The following PARP1 variants were observed in gnomAD, a reference collection of about 807,000 sequenced individuals.
PARP1 encodes poly(ADP-ribose) polymerase 1, also known as poly [ADP-ribose] polymerase 1.
PARP1 carries 44 observed loss-of-function variants against 118.7 expected under a neutral mutation model. The ratio of observed to expected loss-of-function variants is 0.37; its 90% CI spans 0.29 to 0.48. The LOEUF (loss-of-function observed/expected upper bound fraction) is 0.48. Ranked by LOEUF, PARP1 falls within the 20% of genes least tolerant of loss-of-function variation. The pLI is 0.99. For synonymous variants in PARP1, 492 were observed against 483.2 expected, an observed-to-expected ratio of 1.02 and a Z score of -0.24; for missense variants, 1,100 against 1,272.4, an observed-to-expected ratio of 0.86 and a Z score of 2.06.
intron 2 of PARP1, among the ~76,000 whole-genome samples, chr1:226,393,199 A>G (rs956256254): frequency 1.3e-5 from 2 of 152,244 alleles, no homozygotes; most frequent in Non-Finnish European, 2.9e-5. Context: ...AGCAATAAAC[A>G]TACTGGAAAA....
chr1:226,396,442 T>C (rs942553583), intron 2 of PARP1, among the ~76,000 whole-genome samples: 1 of 145,654 alleles, frequency 6.9e-6, no homozygotes, highest in African/African-American at 2.6e-5. Flanking sequence ...GTAAGAAAAG[T>C]GATACTTAGA....
intron 15 of PARP1, 53 bp downstream of exon 15, chr1:226,370,381 C>A (rs952928556): frequency 7.5e-6 from 10 of 1,341,054 alleles, no homozygotes; most frequent in South Asian, 5.8e-5. Context: ...GGTCTCACCC[C>A]CTAAGTCGGC....
At chr1:226,405,122 G>A (rs2102748705) in intron 1 of PARP1, among the ~76,000 whole-genome samples, 1 of 152,220 alleles carries the variant, frequency 6.6e-6, no homozygotes, top group Middle Eastern at 3.4e-3. Flanking sequence ...AAGTGAAAAG[G>A]CTTCTTTCTT....
chr1:226,407,741 CAG>C, intron 1 of PARP1, 67 bp downstream of exon 1: 4 of 1,516,912 alleles, frequency 2.6e-6, no homozygotes, highest in Non-Finnish European at 3.5e-6. Flanking sequence ...CGCCCTCCCC[CAG>C]CCTTCCCGGA....
intron 5 of PARP1, among the ~76,000 whole-genome samples, chr1:226,387,409 A>G (rs567283401): frequency 8.5e-5 from 13 of 152,356 alleles, no homozygotes; most frequent in African/African-American, 2.9e-4. Flanking sequence ...ATCTCTGCTC[A>G]GATTCCACCT....
Position 226,367,623 on chromosome 1 carries a change from G to C in PARP1, c.2278-15C>G. 6.2e-7 allele frequency: 1 copy of C among 1,613,842 alleles called. No individual in the cohort carries two copies. ...TCCACCTTGGCCTGGAGGAGCAAAA[G>C]AAAGCCCCCGACTTAGGTATCATGG... On this transcript the variant is annotated splice_polypyrimidine_tract_variant and intron_variant, in intron 16 of 22. Transcript: ENST00000366794.
At chr1:226,367,739 GC>G in intron 16 of PARP1, 131 bp from the exon 17 acceptor site, 1 of 1,021,754 alleles carries the variant, frequency 9.8e-7, no homozygotes, top group Non-Finnish European at 1.5e-6. Context: ...GCTGGTCAGG[GC>G]CAGCCTGTTA....
At chr1:226,367,935 G>C (rs1664304609) in intron 16 of PARP1, among the ~76,000 whole-genome samples, 1 of 152,198 alleles carries the variant, frequency 6.6e-6, no homozygotes, top group African/African-American at 2.4e-5. Flanking sequence ...GGCAGGGAGG[G>C]AAAATGGGGA....
intron 2 of PARP1, among the ~76,000 whole-genome samples, chr1:226,395,506 G>A (rs1236846284): frequency 6.6e-6 from 1 of 152,130 alleles, no homozygotes; most frequent in African/African-American, 2.4e-5. Context: ...TTAGGTGGAT[G>A]TGGTGGTGCA....
At chr1:226,366,607 G>C (rs1368201225) in intron 17 of PARP1, 30 of 155,350 alleles carry the variant, frequency 1.9e-4, no homozygotes, top group Admixed American at 1.9e-3. Context: ...CTAGAATGCT[G>C]GTCTACCTCC....
Position 226,392,188 on chromosome 1 carries a change from C to CA in PARP1, c.402+10dup, listed in dbSNP as rs1664833284. The CA allele has an allele frequency of 6.4e-7, 1 of 1,561,450 alleles. No homozygotes were observed. Among genetic ancestry groups the CA allele is most frequent in the Admixed American group, 1.7e-5 (1 of 59,972 alleles). On this transcript the variant is annotated intron_variant, in intron 3 of 22. Coordinates refer to ENST00000366794, the MANE Select transcript of PARP1 (RefSeq NM_001618.4). ...CATAAAGTTCAGGGATCTGGGCCCCCAAGATCTTACCTTTTCTATCTTCTC... is the reference window on the plus strand; with the variant it reads ...CATAAAGTTCAGGGATCTGGGCCCCCAAAGATCTTACCTTTTCTATCTTCTC...
At chr1:226,376,205 C>A (rs192663184) in intron 13 of PARP1, among the ~76,000 whole-genome samples, 9 of 152,196 alleles carry the variant, frequency 5.9e-5, no homozygotes, top group Admixed American at 3.3e-4. Flanking sequence ...CTCTACCCAC[C>A]TACAGATCTT....
Position 226,379,945 on chromosome 1 carries a change from C to T in PARP1, c.1520G>A (p.Ser507Asn), listed in dbSNP as rs775273327. 3 of 1,614,018 alleles carry T rather than the reference C, an allele frequency of 1.9e-6. No homozygotes were observed. Among genetic ancestry groups the T allele is most frequent in the South Asian group, 1.1e-5 (1 of 91,076 alleles). Reference protein sequence around the residue: ...GKSGAALSKKSKGQVKEEGIN... With the variant: ...GKSGAALSKKNKGQVKEEGIN... ...ACCTTCCTCCTTGACCTGGCCCTTG[C>T]TTTTTTTGGAGAGCGCAGCCCCTGA... The change falls in exon 10 of 23, where the codon AGC (serine) becomes AAC (asparagine). Residue 507 changes from serine to asparagine, a missense_variant. By Grantham distance (46) the Ser-to-Asn change is conservative (BLOSUM62 1). Transcript: ENST00000366794.
In PARP1 at chr1:226,361,569, C is replaced by T. The variant is rs780931844; in HGVS notation, c.2964-28G>A. 7 of 1,487,708 alleles carry T rather than the reference C, an allele frequency of 4.7e-6. No individual in the cohort carries two copies. The South Asian group carries it at 5.6e-5, about 12-fold the overall frequency. The allele number at this position is 1,487,708 out of a possible 1,614,324, so 92.2% of individuals were successfully genotyped here. A position where few individuals can be genotyped will look rare whatever the true frequency, so the allele number is the denominator to read the frequency against. On this transcript the variant is annotated intron_variant, in intron 22 of 22. Transcript: ENST00000366794. ...GAGGGGAAGCTTGTTAAGGAGCCAA[C>T]AGCCATACAACAGAGGGTATGTACA...
At chr1:226,374,490 A>G in intron 13 of PARP1, 136 bp from the exon 14 acceptor site, 1 of 974,620 alleles carries the variant, frequency 1.0e-6, no homozygotes, top group Non-Finnish European at 1.6e-6. Context: ...GTTAATCAAA[A>G]AGGTGTGGAA....
chr1:226,367,167 G>GAAACAAAC, intron 17 of PARP1: 1 of 409,038 alleles, frequency 2.4e-6, no homozygotes, highest in South Asian at 2.2e-5. Context: ...TTAAGGAGAG[G>GAAACAAAC]AAACAAACAA....
chr1:226,391,815 G>T (rs1186244340), intron 3 of PARP1, among the ~76,000 whole-genome samples: 1 of 152,202 alleles, frequency 6.6e-6, no homozygotes, highest in Admixed American at 6.5e-5. Context: ...TGGTGGGAAA[G>T]CCTGGTTAAT....
At position 226,407,844 on chromosome 1, in the gene PARP1, G is replaced by A; in HGVS notation, c.86C>T (p.Pro29Leu). 6.3e-7 allele frequency: 1 copy of A among 1,599,080 alleles called. No homozygotes were observed. Among genetic ancestry groups the A allele is most frequent in the East Asian group, 2.3e-5 (1 of 43,838 alleles). The part of the protein sequence containing the change: ...ASCKKCSESI[P>L]KDSLRMAIMV... ...GATGGCCATCCGGAGCGAGTCCTTGGGGATGCTCTCGCTGCATTTCTTGCA... is the reference window on the plus strand; with the variant it reads ...GATGGCCATCCGGAGCGAGTCCTTGAGGATGCTCTCGCTGCATTTCTTGCA... Residue 29 changes from proline (P) to leucine (L), a missense_variant, in exon 1 of 23, where the codon CCC becomes CTC. By Grantham distance (98) the Pro-to-Leu change is moderately conservative. Transcript: ENST00000366794.
Position 226,365,977 on chromosome 1 carries a change from C to T in PARP1, c.2482G>A (p.Ala828Thr), listed in dbSNP as rs374829795. The T allele has an allele frequency of 9.3e-6, 15 of 1,611,616 alleles. No individual in the cohort carries two copies. The highest frequency in any genetic ancestry group is 6.7e-5 in the East Asian group (3 of 44,872). ...VKNTHATTHN[A>T]YDLEVIDIFK... ...ACATCGATGACTTCCAAGTCATACG[C>T]ATTGTGTGTGGTTGCATGAGTGTTC... Residue 828 changes from alanine to threonine, a missense_variant, in exon 18 of 23, where the codon GCG becomes ACG. This residue lies in a region of PARP1 where 152 missense variants were observed against 240.6 expected (regional missense o/e 0.63). Coordinates refer to ENST00000366794, the MANE Select transcript of PARP1 (RefSeq NM_001618.4).
Sources: gnomAD v4.1 joint callset for allele counts (sites outside exome capture counted in the v4.1 genomes callset) on GRCh38, gnomAD v4.1.1 for gene constraint, gnomAD v4.1.1 regional missense constraint, MANE v1.5 for transcripts, NCBI Gene and HGNC (gene_info 2026-07-23, HGNC 2026-07-21) for gene names.